DOC2B: variants seen among roughly 807,000 people sequenced by gnomAD.
DOC2B encodes double C2-like domain-containing protein beta.
DOC2B carries 21 observed loss-of-function variants against 28.9 expected under a neutral mutation model. The observed-to-expected ratio is 0.73, with a 90% CI of 0.52 to 1.05. The LOEUF (loss-of-function observed/expected upper bound fraction) is 1.05. Ranked by LOEUF, DOC2B falls within the 50% of genes least tolerant of loss-of-function variation. The pLI, the probability that DOC2B is intolerant of heterozygous loss-of-function variation, is 0.00. For missense variants in DOC2B, 384 were observed against 421.1 expected (o/e 0.91, Z 0.77); for synonymous variants, 194 against 178.1 (o/e 1.09, Z -0.71).
intron 4 of DOC2B, 143 bp from the exon 5 acceptor site, chr17:161,684 G>A: frequency 1.4e-6 from 2 of 1,384,438 alleles, no homozygotes; most frequent in Non-Finnish European, 1.9e-6. Context: ...AAGATGCCTG[G>A]GCCCTGACAG....
intron 6 of DOC2B, 30 bp downstream of exon 6, chr17:156,190 G>T (rs761144867): frequency 6.6e-7 from 1 of 1,526,598 alleles, no homozygotes; most frequent in East Asian, 2.5e-5. Flanking sequence ...GTGAAGACGT[G>T]GCAGGTGGTC....
rs1380008368 is a variant in DOC2B, at chr17:180,390, AG to A, written c.373+716del. ...GGGGCTCAGGGCTCAGTCCGGGAGG[AG>A]GGGGAGCGGGCTGGGGGGCCCTCTC... is the stretch of plus-strand genomic sequence containing the variant. On this transcript the variant is annotated intron_variant, in intron 1 of 8. Coordinates refer to ENST00000613549, the MANE Select transcript of DOC2B (RefSeq NM_003585.5). Among the ~76,000 whole-genome samples, 4 of 151,506 alleles carry A rather than the reference AG, an allele frequency of 2.6e-5. No homozygotes were observed. The South Asian group carries it at 8.3e-4, about 31-fold the overall frequency.
chr17:155,847 G>A (rs532426879), intron 6 of DOC2B, among the ~76,000 whole-genome samples: 1 of 152,326 alleles, frequency 6.6e-6, no homozygotes, highest in East Asian at 1.9e-4. Flanking sequence ...GCCTGGCAGA[G>A]TTCCTCTGCA....
intron 5 of DOC2B, among the ~76,000 whole-genome samples, chr17:160,050 TCTCGG>T (rs1286729942): frequency 6.8e-6 from 1 of 147,202 alleles, no homozygotes; most frequent in African/African-American, 2.5e-5. Flanking sequence ...AACGGTGCAA[TCTCGG>T]CTCACTGCAA....
intron 2 of DOC2B, among the ~76,000 whole-genome samples, chr17:170,638 G>A (rs916549579): frequency 6.6e-6 from 1 of 152,206 alleles, no homozygotes; most frequent in Non-Finnish European, 1.5e-5. Flanking sequence ...TACCTTGCGA[G>A]AGAACATCAA....
At chr17:159,023 G>A (rs1255752135) in intron 5 of DOC2B, among the ~76,000 whole-genome samples, 1 of 138,340 alleles carries the variant, frequency 7.2e-6, no homozygotes, top group Admixed American at 7.6e-5. Flanking sequence ...CAGCCTGGGC[G>A]ACATAGACTC....
rs544386443 is a variant in DOC2B at position 172,585 on chromosome 17, C to G, written c.405G>C (p.Leu135=). ...GGAGGGCGTTGTTCTCCTGGTCATA[C>G]AGCAGGCTGAAGTCCAGCGTGCCCA... The part of the protein sequence containing the change: ...TALGTLDFSL[L]YDQENNALHC... The change falls in exon 2 of 9, where the codon CTG becomes CTC. Residue 135 remains leucine (L), a synonymous_variant. Transcript: ENST00000613549. The G allele has an allele frequency of 6.4e-7, 1 of 1,551,080 alleles. No individual in the cohort carries two copies. Among genetic ancestry groups the G allele is most frequent in the African/African-American group, 1.4e-5 (1 of 73,152 alleles).
Position 161,075 on chromosome 17 carries a change from G to A in DOC2B, c.765+340C>T, listed in dbSNP as rs185732955. On this transcript the variant is annotated intron_variant, in intron 5 of 8. Transcript: ENST00000613549. ...TGGTTCAGAATCAAGCCCTCCTACCGCTGCCAAGGTCAGGCCAGGGTTGTG... is the reference window on the plus strand; with the variant it reads ...TGGTTCAGAATCAAGCCCTCCTACCACTGCCAAGGTCAGGCCAGGGTTGTG... Among the ~76,000 whole-genome samples the A allele has an allele frequency of 1.1e-3, 174 of 152,044 alleles. 2 individuals are homozygous for A. Among genetic ancestry groups the A allele is most frequent in the Admixed American group, 0.01 (158 of 15,270 alleles).
chr17:166,691 C>G (rs2040269625), intron 2 of DOC2B, among the ~76,000 whole-genome samples: 1 of 151,794 alleles, frequency 6.6e-6, no homozygotes, highest in Non-Finnish European at 1.5e-5. Flanking sequence ...ATCTCATGGT[C>G]TGACACTCTT....
intron 1 of DOC2B, among the ~76,000 whole-genome samples, chr17:174,521 A>G (rs573317412): frequency 6.6e-6 from 1 of 152,332 alleles, no homozygotes; most frequent in African/African-American, 2.4e-5. Flanking sequence ...AACAGAACAT[A>G]CAAATAGTCA....
intron 6 of DOC2B, among the ~76,000 whole-genome samples, chr17:154,232 TC>T (rs1310432796): frequency 6.7e-6 from 1 of 148,448 alleles, no homozygotes; most frequent in African/African-American, 2.5e-5. Flanking sequence ...CCCGCTACAC[TC>T]CTTCTTAGGG....
At chr17:152,314 C>G (rs958316951) in intron 6 of DOC2B, among the ~76,000 whole-genome samples, 1 of 152,196 alleles carries the variant, frequency 6.6e-6, no homozygotes, top group Non-Finnish European at 1.5e-5. Flanking sequence ...ACGCAGCCAT[C>G]GCGCAGCTCA....
chr17:169,959 TACAC>T (rs1344677827), intron 2 of DOC2B, among the ~76,000 whole-genome samples: 1 of 152,156 alleles, frequency 6.6e-6, no homozygotes, highest in African/African-American at 2.4e-5. Context: ...ACCACACATG[TACAC>T]ACAGAGACAC....
intron 4 of DOC2B, 63 bp from the exon 5 acceptor site, chr17:161,604 G>A (rs2040205724): frequency 6.5e-7 from 1 of 1,545,440 alleles, no homozygotes; most frequent in Non-Finnish European, 8.7e-7. Context: ...TGGTGGAGGT[G>A]TGCGCAGGTA....
Position 148,623 on chromosome 17 carries a change from G to C in DOC2B, c.1006-354C>G, listed in dbSNP as rs1597813339. Reference sequence around the variant, plus strand: ...TCTGTGGGACCCTCCCTTCCATCCGGGGTTCCCCTCACTCTCTGGAAGCAT... The same window carrying C: ...TCTGTGGGACCCTCCCTTCCATCCGCGGTTCCCCTCACTCTCTGGAAGCAT... On this transcript the variant is annotated intron_variant, in intron 7 of 8. Transcript: ENST00000613549. 2.6e-5 allele frequency among the ~76,000 whole-genome samples: 4 copies of C among 152,156 alleles called. No homozygotes were observed. The South Asian group carries it at 6.2e-4, about 24-fold the overall frequency.
intron 2 of DOC2B, among the ~76,000 whole-genome samples, chr17:170,305 C>T (rs1041677266): frequency 2.6e-5 from 4 of 152,182 alleles, no homozygotes; most frequent in Non-Finnish European, 4.4e-5. Context: ...TGGGATGGAG[C>T]GTGCAGGCCT....
Position 181,333 on chromosome 17 carries a change from C to T in DOC2B, c.147G>A (p.Gly49=), listed in dbSNP as rs1443519434. Residue 49 remains glycine (G), a synonymous_variant, in exon 1 of 9, where the codon GGG becomes GGA. Transcript: ENST00000613549. This position sits in a 1 kb window ranked among gnomAD's most constrained non-coding sequence, Gnocchi z 7.0. The part of the protein sequence containing the change: ...RFPRGLPPDA[G]PRAAAPPDAP... ...CGTCCGGGGGTGCAGCGGCTCGGGG[C>T]CCGGCGTCCGGGGGCAGGCCCCGCG... 3 of 1,140,320 alleles carry T rather than the reference C, an allele frequency of 2.6e-6. No individual in the cohort carries two copies. Among genetic ancestry groups the T allele is most frequent in the Non-Finnish European group, 3.2e-6 (3 of 930,180 alleles). 70.6% of individuals were successfully genotyped at this position (1,140,320 alleles called of 1,614,324 possible).
chr17:158,266 C>T (rs113292397), intron 5 of DOC2B, among the ~76,000 whole-genome samples: 55 of 152,136 alleles, frequency 3.6e-4, no homozygotes, highest in East Asian at 7.7e-4. Flanking sequence ...GGCCCTCAGC[C>T]CCCCCAGACA....
At chr17:168,768 A>G (rs559193804) in intron 2 of DOC2B, among the ~76,000 whole-genome samples, 1 of 152,196 alleles carries the variant, frequency 6.6e-6, no homozygotes, top group African/African-American at 2.4e-5. Flanking sequence ...ATAAGGGGAA[A>G]CCCGTTTTCC....
Sources: allele counts gnomAD v4.1 joint callset (sites outside exome capture counted in the v4.1 genomes callset), GRCh38; gene constraint gnomAD v4.1.1; non-coding constraint Gnocchi (gnomAD v3.1); transcripts MANE v1.5; gene names NCBI Gene and HGNC (gene_info 2026-07-23, HGNC 2026-07-21).